COG6: variants seen among roughly 807,000 people sequenced by gnomAD.
The protein encoded by COG6 is conserved oligomeric Golgi complex subunit 6.
Under a neutral mutation model 88.8 loss-of-function variants are expected in COG6, and 74 were observed. The ratio of observed to expected loss-of-function variants is 0.83; its 90% confidence interval spans 0.69 to 1.01. The LOEUF is 1.01. COG6 is among the 50% of genes least tolerant of loss of function. The pLI, the probability that COG6 is intolerant of heterozygous loss-of-function variation, is 0.00. For synonymous variants in COG6, 286 were observed against 278.7 expected, an observed-to-expected ratio of 1.03 and a Z score of -0.26; for missense variants, 800 against 797.9, an observed-to-expected ratio of 1.00 and a Z score of -0.03.
chr13:39,656,155 G>A, intron 1 of COG6: 4 of 612,172 alleles, frequency 6.5e-6, no homozygotes, highest in South Asian at 6.1e-5. Flanking sequence ...GGTGAACGGT[G>A]GTGCCTCGAG....
chr13:39,655,744 G>A lies in COG6; in HGVS notation c.18G>A (p.Gly6=). The A allele has an allele frequency of 1.3e-6, 2 of 1,595,710 alleles. No homozygotes were observed. Among genetic ancestry groups the A allele is most frequent in the East Asian group, 2.3e-5 (1 of 43,852 alleles). Residue 6 remains glycine (G), a synonymous_variant, in exon 1 of 19, where the codon GGG becomes GGA. Transcript: ENST00000455146. ...GCAGCGCTATGGCAGAGGGCAGCGG[G>A]GAAGTGGTCGCAGTGTCTGCGACCG... is the stretch of plus-strand genomic sequence containing the variant. MAEGS[G]EVVAVSATGA... is the part of the protein sequence containing the mutation.
intron 18 of COG6, among the ~76,000 whole-genome samples, chr13:39,737,209 G>A (rs1329061872): frequency 1.3e-5 from 2 of 152,100 alleles, no homozygotes; most frequent in African/African-American, 4.8e-5. Flanking sequence ...CGGAGCTGGG[G>A]GAGTGGTGAT....
downstream of COG6, among the ~76,000 whole-genome samples, chr13:39,754,119 T>G (rs1880755385): frequency 6.6e-6 from 1 of 152,140 alleles, no homozygotes; most frequent in Non-Finnish European, 1.5e-5. Flanking sequence ...TCCTCCCATT[T>G]CATTAACCCA....
chr13:39,672,973 C>G (rs1429047343), intron 4 of COG6, among the ~76,000 whole-genome samples: 2 of 151,978 alleles, frequency 1.3e-5, no homozygotes, highest in African/African-American at 4.8e-5. Flanking sequence ...TTTGCATTTT[C>G]CTAATGACTA....
At chr13:39,696,951 C>T (rs745307289) in intron 12 of COG6, among the ~76,000 whole-genome samples, 4 of 146,648 alleles carry the variant, frequency 2.7e-5, no homozygotes, top group Non-Finnish European at 4.5e-5. Context: ...GCCAATAGGA[C>T]ATGTATACAT....
rs909277697 is a variant in COG6 at position 39,757,840 on chromosome 13, C to T, written c.1826+30292C>T. Among the ~76,000 whole-genome samples the T allele has an allele frequency of 6.6e-5, 10 of 152,288 alleles. No homozygotes were observed. The East Asian group carries it at 1.9e-3, about 29-fold the overall frequency. ...GTGAATTCACTGGTGGTTTCACATC[C>T]ATGTATAAGTGGACCCACGCAGTTC... On this transcript the variant is annotated intron_variant, in intron 18 of 18. Coordinates refer to the COG6 transcript ENST00000416691.
At chr13:39,682,436 G>C in intron 8 of COG6, 172 bp downstream of exon 8, 1 of 579,482 alleles carries the variant, frequency 1.7e-6, no homozygotes, top group Non-Finnish European at 3.1e-6. Flanking sequence ...CAGCTTATTT[G>C]AATTTTACAT....
At chr13:39,696,472 A>G (rs372227495) in intron 12 of COG6, among the ~76,000 whole-genome samples, 3 of 151,832 alleles carry the variant, frequency 2.0e-5, no homozygotes, top group Admixed American at 6.6e-5. Context: ...TTGAATATGG[A>G]TGTGAATAAT....
At chr13:39,657,324 G>T (rs570269902) in intron 1 of COG6, among the ~76,000 whole-genome samples, 3 of 152,162 alleles carry the variant, frequency 2.0e-5, no homozygotes, top group African/African-American at 7.2e-5. Context: ...GAACCACTGC[G>T]CCCGGCCACA....
At chr13:39,734,611 T>C (rs1393077972) in intron 18 of COG6, among the ~76,000 whole-genome samples, 1 of 152,184 alleles carries the variant, frequency 6.6e-6, no homozygotes, top group East Asian at 1.9e-4. Context: ...ATTGATTAGG[T>C]GCATTTGGTC....
chr13:39,789,592 T>G (rs1464741150), exon 19 of COG6: 1 of 152,004 alleles, frequency 6.6e-6, no homozygotes, highest in Non-Finnish European at 1.5e-5. Flanking sequence ...TTATTCCAAT[T>G]ACCTGCTCCA....
chr13:39,745,990 AC>A (rs1880324061), intron 18 of COG6, among the ~76,000 whole-genome samples: 1 of 152,038 alleles, frequency 6.6e-6, no homozygotes, highest in Non-Finnish European at 1.5e-5. Flanking sequence ...AGGACAGAAA[AC>A]CAAACACCAC....
intron 13 of COG6, among the ~76,000 whole-genome samples, chr13:39,707,096 C>T (rs1421914977): frequency 6.7e-6 from 1 of 149,940 alleles, no homozygotes; most frequent in Non-Finnish European, 1.5e-5. Flanking sequence ...TTAGTATGTA[C>T]AATAATATAA....
At chr13:39,728,239 A>C (rs973461088) in intron 18 of COG6, among the ~76,000 whole-genome samples, 12 of 152,226 alleles carry the variant, frequency 7.9e-5, no homozygotes, top group Non-Finnish European at 1.5e-4. Context: ...CTTATAACCT[A>C]ATAGGTCAGT....
At position 39,677,546 on chromosome 13, in the gene COG6, T is replaced by C; in HGVS notation, c.507T>C (p.Leu169=). Residue 169 remains leucine (L), a synonymous_variant, in exon 5 of 19, where the codon CTT becomes CTC. Coordinates refer to ENST00000455146, the MANE Select transcript of COG6 (RefSeq NM_020751.3). ...KFQLTSDEMS[L]LRGTREGPIT... The stretch of plus-strand genomic sequence containing the variant: ...AACTGACTTCTGATGAAATGAGTCT[T>C]CTCCGAGGTACAAGAGAAGGACCCA... 1 of 1,612,366 alleles carries C rather than the reference T, an allele frequency of 6.2e-7. No homozygotes were observed. Among genetic ancestry groups the C allele is most frequent in the Non-Finnish European group, 8.5e-7 (1 of 1,178,592 alleles).
chr13:39,780,100 C>T (rs535814910), intron 18 of COG6, among the ~76,000 whole-genome samples: 1 of 152,280 alleles, frequency 6.6e-6, no homozygotes, highest in East Asian at 1.9e-4. Flanking sequence ...AGGAAATTGA[C>T]TGAGAAAAGA....
Position 39,719,669 on chromosome 13 carries a change from T to A in COG6, c.1426T>A (p.Cys476Ser). The A allele has an allele frequency of 6.2e-7, 1 of 1,612,230 alleles. No homozygotes were observed. Among genetic ancestry groups the A allele is most frequent in the Non-Finnish European group, 8.5e-7 (1 of 1,178,594 alleles). Residue 476 changes from cysteine to serine, a missense_variant, in exon 15 of 19, where the codon TGT (cysteine) becomes AGT (serine). Physicochemically the swap from Cys to Ser is moderately radical, Grantham distance 112. Coordinates refer to ENST00000455146, the MANE Select transcript of COG6 (RefSeq NM_020751.3). ...RQADFVQVLSCVLDPLLQMCT... is the reference protein window; with the variant it reads ...RQADFVQVLSSVLDPLLQMCT... ...TATTTTTCATTTGTAGGTTTTATCATGTGTCTTGGATCCTCTCCTACAGAT... is the reference window on the plus strand; with the variant it reads ...TATTTTTCATTTGTAGGTTTTATCAAGTGTCTTGGATCCTCTCCTACAGAT...
At chr13:39,719,906 C>G (rs564127254) in intron 15 of COG6, 79 bp downstream of exon 15, 20 of 1,165,286 alleles carry the variant, frequency 1.7e-5, no homozygotes, top group Non-Finnish European at 2.5e-5. Flanking sequence ...ATTGGCTTAA[C>G]TAGTTTTAAT....
At chr13:39,677,422 A>G (rs1378671449) in intron 4 of COG6, 46 bp from the exon 5 acceptor site, 12 of 1,055,576 alleles carry the variant, frequency 1.1e-5, no homozygotes, top group South Asian at 3.8e-5. Context: ...AAGCTATGCA[A>G]CTGTGTAAGA....
Sources: allele counts gnomAD v4.1 joint callset (sites outside exome capture counted in the v4.1 genomes callset), GRCh38; gene constraint gnomAD v4.1.1; transcripts MANE v1.5; gene names NCBI Gene and HGNC (gene_info 2026-07-23, HGNC 2026-07-21).